RELA: variants seen among roughly 807,000 people sequenced by gnomAD.
RELA encodes the protein RELA proto-oncogene, NF-kB subunit, also known as transcription factor p65.
In RELA, 14 loss-of-function variants were observed where a neutral mutation model predicts 56.7. That is an observed-to-expected ratio of 0.25 (90% CI 0.16 to 0.39). RELA has a LOEUF of 0.39. Ranked by LOEUF, RELA falls within the 10% of genes least tolerant of loss-of-function variation. The pLI, the probability that RELA is intolerant of heterozygous loss-of-function variation, is 1.00. For synonymous variants in RELA, 315 were observed against 289.7 expected (o/e 1.09, Z -0.89); for missense variants, 559 against 736.4 (o/e 0.76, Z 2.79).
rs1181223861 is a variant in RELA, at chr11:65,654,293, C to A, written c.*85G>T. On this transcript the variant is annotated 3_prime_UTR_variant, in exon 11 of 11. Coordinates refer to ENST00000406246, the MANE Select transcript of RELA (RefSeq NM_021975.4). The stretch of plus-strand genomic sequence containing the variant: ...TCCACAAAGTTGGGGGCAGTTGGAA[C>A]ACACCCCACCAGAATCCGTAAGTGC... The A allele has an allele frequency of 6.4e-7, 1 of 1,573,162 alleles. No homozygotes were observed. Among genetic ancestry groups the A allele is most frequent in the Admixed American group, 1.7e-5 (1 of 59,322 alleles).
chr11:65,658,534 G>A lies in RELA; in HGVS notation c.665-35C>T. ...ATGCGGTGGCAGTGTGGGTCAGTGT[G>A]TCTAACCCTCCATGGTCTCCCCCTC... On this transcript the variant is annotated intron_variant, in intron 7 of 10. Transcript: ENST00000406246. The surrounding 1 kb of genome is among the most constrained non-coding windows in gnomAD (Gnocchi z 4.5). The A allele has an allele frequency of 1.3e-6, 2 of 1,532,476 alleles. No individual in the cohort carries two copies. The highest frequency in any genetic ancestry group is 1.2e-5 in the South Asian group (1 of 85,258). The allele number at this position is 1,532,476 out of a possible 1,614,324, so 94.9% of individuals were successfully genotyped here.
chr11:65,654,697 T>A lies in RELA; in HGVS notation c.1337A>T (p.Asp446Val), dbSNP rs1430719920. 1.3e-6 allele frequency: 2 copies of A among 1,542,780 alleles called. No individual in the cohort carries two copies. Among genetic ancestry groups the A allele is most frequent in the Non-Finnish European group, 1.7e-6 (2 of 1,146,338 alleles). ...LSEALLQLQF[D>V]DEDLGALLGN... ...AAGCAAGGCCCCCAGGTCTTCATCATCAAACTGCAGCTGCAGCAGGGCCTC... is the reference window on the plus strand; with the variant it reads ...AAGCAAGGCCCCCAGGTCTTCATCAACAAACTGCAGCTGCAGCAGGGCCTC... Residue 446 changes from aspartate (D) to valine (V), a missense_variant, in exon 11 of 11, where the codon GAT (aspartate) becomes GTT (valine). By Grantham distance (152) the Asp-to-Val change is radical. Transcript: ENST00000406246.
chr11:65,659,618 C>T, intron 6 of RELA, 48 bp downstream of exon 6: 1 of 1,610,202 alleles, frequency 6.2e-7, no homozygotes, highest in Admixed American at 1.7e-5. Flanking sequence ...CCCCTTCCTC[C>T]TATTCAGGCC....
In RELA at chr11:65,658,656, C is replaced by G; in HGVS notation, c.664+62G>C. The stretch of plus-strand genomic sequence containing the variant: ...ATCCAAAGCCAGTTACCTGACACTC[C>G]ACTTCTCTGCTCAGCTTCACCCCTT... On this transcript the variant is annotated intron_variant, in intron 7 of 10. Transcript: ENST00000406246. This position sits in a 1 kb window ranked among gnomAD's most constrained non-coding sequence, Gnocchi z 4.5. 1 of 1,506,932 alleles carries G rather than the reference C, an allele frequency of 6.6e-7. No individual in the cohort carries two copies. Among genetic ancestry groups the G allele is most frequent in the Non-Finnish European group, 9.2e-7 (1 of 1,084,500 alleles). 93.3% of individuals were successfully genotyped at this position (1,506,932 alleles called of 1,614,324 possible). A position where few individuals can be genotyped will look rare whatever the true frequency, so the allele number is the denominator to read the frequency against.
chr11:65,655,833 G>A (rs775266361), intron 9 of RELA, 22 bp downstream of exon 9: 21 of 1,613,316 alleles, frequency 1.3e-5, no homozygotes, highest in Admixed American at 1.7e-5. Context: ...TTCCTCTCTG[G>A]CTTTCCCAGT....
At chr11:65,655,654 C>T (rs769935492) in intron 10 of RELA, 34 bp downstream of exon 10, 1 of 1,602,904 alleles carries the variant, frequency 6.2e-7, no homozygotes, top group South Asian at 1.1e-5. Context: ...AGAGCTGAAC[C>T]TGTCGTTCCA....
chr11:65,660,022 G>A lies in RELA; in HGVS notation c.427+102C>T, dbSNP rs890910734. The A allele has an allele frequency of 6.2e-6, 8 of 1,294,422 alleles. No individual in the cohort carries two copies. The African/African-American group carries it at 1.2e-4, about 19-fold the overall frequency. The allele number at this position is 1,294,422 out of a possible 1,614,324, so 80.2% of individuals were successfully genotyped here. A position where few individuals can be genotyped will look rare whatever the true frequency, so the allele number is the denominator to read the frequency against. On this transcript the variant is annotated intron_variant, in intron 5 of 10. Transcript: ENST00000406246. The stretch of plus-strand genomic sequence containing the variant: ...TGGGAGAGTACTGAATGGGCACCAA[G>A]ATTCCAGCTTTACTGTGTCTTGGCC...
At chr11:65,657,362 C>G (rs1671383787) in intron 8 of RELA, among the ~76,000 whole-genome samples, 1 of 152,198 alleles carries the variant, frequency 6.6e-6, no homozygotes, top group African/African-American at 2.4e-5. Flanking sequence ...TCTTCTCTTC[C>G]TGGACTACAG....
chr11:65,656,277 T>C lies in RELA; in HGVS notation c.878-342A>G, dbSNP rs192216493. On this transcript the variant is annotated intron_variant, in intron 8 of 10. Coordinates refer to ENST00000406246, the MANE Select transcript of RELA (RefSeq NM_021975.4). The stretch of plus-strand genomic sequence containing the variant: ...CTCATTGTCAGCCTCCACCCAGGCC[T>C]GGCGAGAATTTCTTGGCACTCTGGG... 3.5e-3 allele frequency among the ~76,000 whole-genome samples: 530 copies of C among 152,340 alleles called. 1 individual carries two copies. Among genetic ancestry groups the C allele is most frequent in the Non-Finnish European group, 6.2e-3 (425 of 68,024 alleles).
chr11:65,659,527 G>C, intron 6 of RELA, 139 bp downstream of exon 6: 1 of 1,132,626 alleles, frequency 8.8e-7, no homozygotes, highest in Non-Finnish European at 1.3e-6. Context: ...CCAACAAAGA[G>C]CTGGGCAGAG....
At chr11:65,661,624 G>T in intron 4 of RELA, 63 bp downstream of exon 4, 1 of 1,460,090 alleles carries the variant, frequency 6.8e-7, no homozygotes, top group Non-Finnish European at 9.3e-7. Flanking sequence ...ACACTGTAGC[G>T]GCTACTTCAT....
In RELA at chr11:65,657,816, C is replaced by G. The variant is rs191000969; in HGVS notation, c.877+471G>C. On this transcript the variant is annotated intron_variant, in intron 8 of 10. Coordinates refer to ENST00000406246, the MANE Select transcript of RELA (RefSeq NM_021975.4). ...AGACTCTGAAGGGCAGGGAGCATGT[C>G]TTACTCATTTTTTGTATTCACAATA... is the stretch of plus-strand genomic sequence containing the variant. Among the ~76,000 whole-genome samples the G allele has an allele frequency of 3.8e-3, 583 of 152,356 alleles. 3 individuals carry two copies. The highest frequency in any genetic ancestry group is 0.014 in the African/African-American group (567 of 41,600).
chr11:65,658,901 TGCCCA>T lies in RELA; in HGVS notation c.560-84_560-80del. On this transcript the variant is annotated intron_variant, in intron 6 of 10. Coordinates refer to ENST00000406246, the MANE Select transcript of RELA (RefSeq NM_021975.4). The surrounding 1 kb of genome is among the most constrained non-coding windows in gnomAD (Gnocchi z 4.5). ...TGGCCTGCAGGAGATGCAACTTCCC[TGCCCA>T]GCCCAGAGTCAAGGTTGCCCAGAGC... 8.5e-7 allele frequency: 1 copy of T among 1,176,000 alleles called. No individual in the cohort carries two copies. The highest frequency in any genetic ancestry group is 1.3e-6 in the Non-Finnish European group (1 of 784,636). 72.8% of individuals were successfully genotyped at this position (1,176,000 alleles called of 1,614,324 possible). A position where few individuals can be genotyped will look rare whatever the true frequency, so the allele number is the denominator to read the frequency against.
chr11:65,661,486 C>A (rs762760501), intron 4 of RELA: 10 of 505,612 alleles, frequency 2.0e-5, no homozygotes, highest in Non-Finnish European at 2.4e-5. Context: ...GGGACCCATC[C>A]GTATCCCCTG....
chr11:65,662,425 G>A (rs1342985373), intron 1 of RELA: 4 of 552,308 alleles, frequency 7.2e-6, no homozygotes, highest in Non-Finnish European at 1.2e-5. Flanking sequence ...TTCTCCAGAG[G>A]GAAGCTGAAT....
At chr11:65,663,303 C>A (rs190409751), upstream of RELA, among the ~76,000 whole-genome samples, 420 of 152,324 alleles carry the variant, frequency 2.8e-3, no homozygotes, top group African/African-American at 9.6e-3. Flanking sequence ...AAAGCCCGAC[C>A]GGGCCTTCTG....
intron 8 of RELA, among the ~76,000 whole-genome samples, chr11:65,657,285 G>A (rs574483341): frequency 6.6e-6 from 1 of 152,276 alleles, no homozygotes; most frequent in South Asian, 2.1e-4. Context: ...AGGGCTGAAG[G>A]GTAACTGAGG....
At chr11:65,655,816 C>T (rs779095843) in intron 9 of RELA, 39 bp downstream of exon 9, 10 of 1,613,120 alleles carry the variant, frequency 6.2e-6, no homozygotes, top group South Asian at 3.3e-5. Flanking sequence ...CCTCCCTGCC[C>T]GCTGCCTTCC....
In RELA at chr11:65,661,724, A is replaced by G. The variant is rs1358445187; in HGVS notation, c.298T>C (p.Tyr100His). ...LVGKDCRDGF[Y>H]EAELCPDRCI... Reference sequence around the variant, plus strand: ...CGGTCCGGGCAGAGCTCAGCCTCATAGAAGCCATCCCGGCAGTCCTTTCCT... The same window carrying G: ...CGGTCCGGGCAGAGCTCAGCCTCATGGAAGCCATCCCGGCAGTCCTTTCCT... Residue 100 changes from tyrosine to histidine, a missense_variant, in exon 4 of 11, where the codon TAT becomes CAT. By Grantham distance (83) the Tyr-to-His change is moderately conservative. Transcript: ENST00000406246. 1 of 1,611,852 alleles carries G rather than the reference A, an allele frequency of 6.2e-7. No individual in the cohort carries two copies.
Sources: gnomAD v4.1 joint callset for allele counts (sites outside exome capture counted in the v4.1 genomes callset) on GRCh38, gnomAD v4.1.1 for gene constraint, Gnocchi (gnomAD v3.1) non-coding constraint, MANE v1.5 for transcripts, NCBI Gene and HGNC (gene_info 2026-07-23, HGNC 2026-07-21) for gene names.